TACR3: variants seen among roughly 807,000 people sequenced by gnomAD.
TACR3 encodes the protein neuromedin-K receptor.
Under a neutral mutation model 35.0 loss-of-function variants are expected in TACR3, and 34 were observed. The ratio of observed to expected loss-of-function variants is 0.97; its 90% confidence interval spans 0.74 to 1.30. The LOEUF (loss-of-function observed/expected upper bound fraction) is 1.30, where lower values mean the gene tolerates loss of function less well. Ranked by LOEUF, TACR3 falls within the 50% of genes most tolerant of loss-of-function variation. The probability of loss-of-function intolerance (pLI) is 0.00; values close to 1 mark genes in which losing one functional copy is unlikely to be tolerated. For synonymous variants in TACR3, 233 were observed against 221.1 expected (o/e 1.05, Z -0.48); for missense variants, 558 against 591.7 (o/e 0.94, Z 0.59).
chr4:103,697,402 G>GTTTGTTTGTTTA lies in TACR3; in HGVS notation c.548+21725_548+21726insTAAACAAACAAA, dbSNP rs139321846. Among the ~76,000 whole-genome samples, 1,062 of 144,972 alleles carry GTTTGTTTGTTTA rather than the reference G, an allele frequency of 7.3e-3. 27 individuals are homozygous for GTTTGTTTGTTTA. Among genetic ancestry groups the GTTTGTTTGTTTA allele is most frequent in the Admixed American group, 0.035 (501 of 14,406 alleles). On this transcript the variant is annotated intron_variant, in intron 1 of 4. Transcript: ENST00000304883. Reference sequence around the variant, plus strand: ...ACTTGTGTTATTTATTTATTTATTTGTTTATTTATTTATTTATTTATTTAT... The same window carrying GTTTGTTTGTTTA: ...ACTTGTGTTATTTATTTATTTATTTGTTTGTTTGTTTATTTATTTATTTATTTATTTATTTAT...
intron 3 of TACR3, among the ~76,000 whole-genome samples, chr4:103,599,687 G>C (rs1007851072): frequency 6.6e-6 from 1 of 152,102 alleles, no homozygotes; most frequent in East Asian, 1.9e-4. Context: ...TTTGTCAAAG[G>C]CCTTTTCTGC....
In TACR3 at chr4:103,603,414, G is replaced by A. The variant is rs149541372; in HGVS notation, c.889-11731C>T. On this transcript the variant is annotated intron_variant, in intron 3 of 4. Coordinates refer to ENST00000304883, the MANE Select transcript of TACR3 (RefSeq NM_001059.3). The stretch of plus-strand genomic sequence containing the variant: ...CTGCACCCACTGTCTTGCACCTACT[G>A]TCTGGCACTCCCCAGTGAGATGAAC... Among the ~76,000 whole-genome samples the A allele has an allele frequency of 3.7e-4, 57 of 152,322 alleles. No individual in the cohort carries two copies. The East Asian group carries it at 0.01, about 27-fold the overall frequency.
intron 3 of TACR3, among the ~76,000 whole-genome samples, chr4:103,654,293 A>T (rs1281788541): frequency 2.0e-5 from 3 of 151,634 alleles, no homozygotes; most frequent in African/African-American, 7.3e-5. Context: ...ACTTGGAACC[A>T]ACCCAAATGT....
chr4:103,663,415 G>T (rs1338771321), intron 1 of TACR3, among the ~76,000 whole-genome samples: 2 of 152,120 alleles, frequency 1.3e-5, no homozygotes, highest in Non-Finnish European at 2.9e-5. Flanking sequence ...CATCTCTTGA[G>T]CCTGGCAGGT....
chr4:103,695,661 T>C (rs892339326), intron 1 of TACR3, among the ~76,000 whole-genome samples: 10 of 152,118 alleles, frequency 6.6e-5, no homozygotes, highest in African/African-American at 2.4e-4. Context: ...TCAGTGCCCC[T>C]AAGTCCTGCA....
chr4:103,591,109 T>C (rs1347641574), intron 4 of TACR3: 4 of 269,260 alleles, frequency 1.5e-5, no homozygotes, highest in African/African-American at 9.0e-5. Context: ...TTATAGAAAT[T>C]ATTCAAGAAT....
intron 3 of TACR3, among the ~76,000 whole-genome samples, chr4:103,612,886 AAATAAATG>A (rs778599426): frequency 7.2e-5 from 11 of 152,254 alleles, no homozygotes; most frequent in Admixed American, 2.0e-4. Flanking sequence ...ACCCTCTTTT[AAATAAATG>A]AATAAATGAA....
intron 3 of TACR3, among the ~76,000 whole-genome samples, chr4:103,648,282 C>G (rs1475767953): frequency 6.6e-6 from 1 of 151,922 alleles, no homozygotes; most frequent in Non-Finnish European, 1.5e-5. Context: ...TTTTGCATTA[C>G]AAACAATCTA....
At chr4:103,678,398 G>A (rs748009128) in intron 1 of TACR3, among the ~76,000 whole-genome samples, 1 of 152,092 alleles carries the variant, frequency 6.6e-6, no homozygotes, top group Non-Finnish European at 1.5e-5. Flanking sequence ...CTATTTAGTT[G>A]TGCAAGTGGA....
At chr4:103,647,886 A>G (rs1296672990) in intron 3 of TACR3, among the ~76,000 whole-genome samples, 2 of 152,016 alleles carry the variant, frequency 1.3e-5, no homozygotes, top group African/African-American at 4.8e-5. Context: ...ATCCAAAATT[A>G]TCTAAAAGTT....
intron 3 of TACR3, among the ~76,000 whole-genome samples, chr4:103,607,334 A>G (rs529078320): frequency 6.6e-6 from 1 of 152,196 alleles, no homozygotes; most frequent in African/African-American, 2.4e-5. Flanking sequence ...TTGACTTTTG[A>G]AGGTATCTGA....
intron 3 of TACR3, among the ~76,000 whole-genome samples, chr4:103,643,805 C>T (rs1725405165): frequency 6.6e-6 from 1 of 151,684 alleles, no homozygotes; most frequent in African/African-American, 2.4e-5. Context: ...ATTTCATATG[C>T]TGAGCTTCAT....
At chr4:103,664,249 A>G (rs115900356) in intron 1 of TACR3, among the ~76,000 whole-genome samples, 2,849 of 152,224 alleles carry the variant, frequency 0.019, 84 homozygotes, top group African/African-American at 0.066. Flanking sequence ...TTCTGATATA[A>G]TTGAGGTGGT....
intron 3 of TACR3, among the ~76,000 whole-genome samples, chr4:103,594,694 G>C (rs908058286): frequency 1.3e-5 from 2 of 152,042 alleles, no homozygotes; most frequent in African/African-American, 4.8e-5. Flanking sequence ...AATTTTCATA[G>C]TGCAAAAAGT....
chr4:103,674,009 C>T (rs142913289), intron 1 of TACR3, among the ~76,000 whole-genome samples: 22 of 152,088 alleles, frequency 1.4e-4, no homozygotes, highest in African/African-American at 5.1e-4. Context: ...GAGTGGCAAA[C>T]GGTGGCTTAA....
chr4:103,633,010 TATG>T (rs1449093291), intron 3 of TACR3, among the ~76,000 whole-genome samples: 1 of 151,646 alleles, frequency 6.6e-6, no homozygotes, highest in Non-Finnish European at 1.5e-5. Flanking sequence ...AAAGTGTTAG[TATG>T]ATGATATTAT....
At chr4:103,600,600 G>T (rs1397397711) in intron 3 of TACR3, among the ~76,000 whole-genome samples, 1 of 152,156 alleles carries the variant, frequency 6.6e-6, no homozygotes, top group Non-Finnish European at 1.5e-5. Flanking sequence ...GGCATTTAGT[G>T]CTATAAATTT....
At chr4:103,713,023 G>A (rs139872400) in intron 1 of TACR3, among the ~76,000 whole-genome samples, 17,738 of 152,062 alleles carry the variant, frequency 0.12, 1,340 homozygotes, top group East Asian at 0.37. Context: ...TTACATTGTT[G>A]GTGGAACTGT....
At chr4:103,633,017 ATAT>A (rs1209485683) in intron 3 of TACR3, among the ~76,000 whole-genome samples, 15 of 149,522 alleles carry the variant, frequency 1.0e-4, no homozygotes, top group African/African-American at 2.0e-4. Context: ...TAGTATGATG[ATAT>A]TATTATATTA....
Sources: gnomAD v4.1 joint callset for allele counts (sites outside exome capture counted in the v4.1 genomes callset) on GRCh38, gnomAD v4.1.1 for gene constraint, MANE v1.5 for transcripts, NCBI Gene and HGNC (gene_info 2026-07-23, HGNC 2026-07-21) for gene names.